The following PDS5B variants were observed in gnomAD, a reference collection of about 807,000 sequenced individuals.
The protein encoded by PDS5B is sister chromatid cohesion protein PDS5 homolog B.
In PDS5B, 51 loss-of-function variants were observed where a neutral mutation model predicts 184.1. The observed-to-expected ratio is 0.28, with a 90% CI of 0.22 to 0.35. The LOEUF (loss-of-function observed/expected upper bound fraction) is 0.35. Ranked by LOEUF, PDS5B falls within the 10% of genes least tolerant of loss-of-function variation. The probability of loss-of-function intolerance (pLI) is 1.00; values close to 1 mark genes in which losing one functional copy is unlikely to be tolerated. For synonymous variants in PDS5B, 566 were observed against 569.2 expected (o/e 0.99, Z 0.08); for missense variants, 1,180 against 1,723.3 (o/e 0.68, Z 5.58).
intron 1 of PDS5B, among the ~76,000 whole-genome samples, chr13:32,599,212 T>C (rs1236779559): frequency 1.3e-5 from 2 of 152,196 alleles, no homozygotes; most frequent in East Asian, 3.8e-4. Flanking sequence ...AAAGTTATAT[T>C]GAATTTGTGA....
chr13:32,709,992 T>G lies in PDS5B; in HGVS notation c.2009T>G (p.Phe670Cys), dbSNP rs1292973675. 1 of 1,516,236 alleles carries G rather than the reference T, an allele frequency of 6.6e-7. No homozygotes were observed. Among genetic ancestry groups the G allele is most frequent in the Non-Finnish European group, 9.0e-7 (1 of 1,116,328 alleles). The allele number at this position is 1,516,236 out of a possible 1,614,324, so 93.9% of individuals were successfully genotyped here. Residue 670 changes from phenylalanine to cysteine, a missense_variant, in exon 19 of 35, where the codon TTT (phenylalanine) becomes TGT (cysteine). Phe to Cys is a radical substitution (Grantham distance 205, BLOSUM62 -2). This residue lies in a region of PDS5B where 475 missense variants were observed against 691.5 expected (regional missense o/e 0.69). Transcript: ENST00000315596. ...ATCTCATTTCATTCTGCTGAAACAT[T>G]TGAATCATTACTGGCTTGTCTGAAA... The part of the protein sequence containing the change: ...HPISFHSAET[F>C]ESLLACLKMD...
intron 3 of PDS5B, among the ~76,000 whole-genome samples, chr13:32,655,638 TG>T (rs1950495004): frequency 6.6e-6 from 1 of 151,820 alleles, no homozygotes; most frequent in Non-Finnish European, 1.5e-5. Context: ...CCCAAAGTAC[TG>T]GGATTACAGG....
At chr13:32,732,542 T>G (rs1178072216) in intron 20 of PDS5B, among the ~76,000 whole-genome samples, 1 of 152,124 alleles carries the variant, frequency 6.6e-6, no homozygotes, top group Non-Finnish European at 1.5e-5. Flanking sequence ...AACAGATGAT[T>G]ATTCTTTCAT....
chr13:32,691,650 TC>T (rs1951553143), intron 13 of PDS5B, among the ~76,000 whole-genome samples: 1 of 152,008 alleles, frequency 6.6e-6, no homozygotes, highest in South Asian at 2.1e-4. Flanking sequence ...CGGAGTGTAG[TC>T]TGGGCAGTCT....
At chr13:32,601,433 A>G (rs2057973072) in intron 1 of PDS5B, among the ~76,000 whole-genome samples, 1 of 152,214 alleles carries the variant, frequency 6.6e-6, no homozygotes. Context: ...AGGTTATTTG[A>G]TGGAAAGCTA....
chr13:32,751,082 T>C (rs1353187101), intron 24 of PDS5B, among the ~76,000 whole-genome samples: 1 of 152,190 alleles, frequency 6.6e-6, no homozygotes, highest in African/African-American at 2.4e-5. Flanking sequence ...TTCTTTGTGT[T>C]CATGTGTACT....
At chr13:32,707,415 A>T (rs1313946399) in intron 18 of PDS5B, among the ~76,000 whole-genome samples, 1 of 151,996 alleles carries the variant, frequency 6.6e-6, no homozygotes, top group Non-Finnish European at 1.5e-5. Flanking sequence ...ATTATTGACA[A>T]CTTTAGAATA....
At chr13:32,680,818 G>T (rs1298758350) in intron 10 of PDS5B, among the ~76,000 whole-genome samples, 1 of 151,866 alleles carries the variant, frequency 6.6e-6, no homozygotes, top group Admixed American at 6.6e-5. Context: ...TAAGAGACAG[G>T]GTCTTACTCT....
chr13:32,587,009 C>T (rs1464422755), intron 1 of PDS5B, among the ~76,000 whole-genome samples: 4 of 129,152 alleles, frequency 3.1e-5, no homozygotes, highest in African/African-American at 7.5e-5. Flanking sequence ...GCCGTCGCCG[C>T]CGCCGCGCCC....
At chr13:32,641,239 A>G in intron 1 of PDS5B, among the ~76,000 whole-genome samples, 1 of 152,148 alleles carries the variant, frequency 6.6e-6, no homozygotes, top group Non-Finnish European at 1.5e-5. Flanking sequence ...TTATATGTCA[A>G]ATCATTTATT....
intron 9 of PDS5B, among the ~76,000 whole-genome samples, chr13:32,677,855 T>A (rs1951114254): frequency 1.3e-5 from 2 of 152,254 alleles, no homozygotes; most frequent in Non-Finnish European, 2.9e-5. Context: ...TGGATTCACT[T>A]TAATGTTCTT....
intron 25 of PDS5B, among the ~76,000 whole-genome samples, chr13:32,754,576 C>A (rs1425382628): frequency 7.8e-6 from 1 of 127,494 alleles, no homozygotes; most frequent in Non-Finnish European, 1.8e-5. Flanking sequence ...TCACTGTGAC[C>A]CTCTTTCTTT....
chr13:32,645,894 T>C (rs1271514253), intron 1 of PDS5B, among the ~76,000 whole-genome samples: 1 of 152,174 alleles, frequency 6.6e-6, no homozygotes, highest in East Asian at 1.9e-4. Flanking sequence ...CTGTCATAGA[T>C]TAGGTTTCTC....
chr13:32,722,912 G>A (rs900321697), intron 19 of PDS5B, among the ~76,000 whole-genome samples: 1 of 152,210 alleles, frequency 6.6e-6, no homozygotes, highest in African/African-American at 2.4e-5. Context: ...TCTTGCAGTG[G>A]AAGAAATTAA....
In PDS5B at chr13:32,586,493, T is replaced by C. The variant is rs1593215700; in HGVS notation, c.-120T>C. The C allele has an allele frequency of 8.2e-6, 1 of 121,826 alleles. No individual in the cohort carries two copies. Among genetic ancestry groups the C allele is most frequent in the South Asian group, 2.5e-4 (1 of 4,072 alleles). The allele number at this position is 121,826 out of a possible 1,614,324, so 7.5% of individuals were successfully genotyped here. On this transcript the variant is annotated 5_prime_UTR_variant, in exon 1 of 35. Coordinates refer to ENST00000315596, the MANE Select transcript of PDS5B (RefSeq NM_015032.4). Reference sequence around the variant, plus strand: ...GAGGAGGAGGAACGGCAGGGCTGGCTGCGGAAGGGGAGGGGGGGGGAGAAG... The same window carrying C: ...GAGGAGGAGGAACGGCAGGGCTGGCCGCGGAAGGGGAGGGGGGGGGAGAAG...
At chr13:32,677,512 G>A (rs556646847) in intron 9 of PDS5B, among the ~76,000 whole-genome samples, 11 of 151,990 alleles carry the variant, frequency 7.2e-5, no homozygotes, top group South Asian at 4.2e-4. Context: ...TTTAAAAGAC[G>A]TCTTAGTATA....
chr13:32,702,975 C>G (rs921894580), intron 17 of PDS5B, among the ~76,000 whole-genome samples: 13 of 152,008 alleles, frequency 8.6e-5, no homozygotes, highest in African/African-American at 3.1e-4. Flanking sequence ...AAACAACAAC[C>G]TAAAAAATTG....
At chr13:32,596,210 C>T (rs1411234334) in intron 1 of PDS5B, among the ~76,000 whole-genome samples, 1 of 152,192 alleles carries the variant, frequency 6.6e-6, no homozygotes, top group Non-Finnish European at 1.5e-5. Context: ...TTCCTTGTTG[C>T]TCTCTCCATT....
intron 25 of PDS5B, among the ~76,000 whole-genome samples, chr13:32,755,443 A>G (rs957213766): frequency 6.6e-6 from 1 of 152,150 alleles, no homozygotes; most frequent in Non-Finnish European, 1.5e-5. Context: ...TTTGCTCAGC[A>G]GCTTACAAGA....
Sources: gnomAD v4.1 joint callset for allele counts (sites outside exome capture counted in the v4.1 genomes callset) on GRCh38, gnomAD v4.1.1 for gene constraint, gnomAD v4.1.1 regional missense constraint, MANE v1.5 for transcripts, NCBI Gene and HGNC (gene_info 2026-07-23, HGNC 2026-07-21) for gene names.